The following DIP2C variants were observed in gnomAD, a reference collection of about 807,000 sequenced individuals.
DIP2C encodes the protein disco-interacting protein 2 homolog C.
In DIP2C, 33 loss-of-function variants were observed where a neutral mutation model predicts 192.4. The ratio of observed to expected loss-of-function variants is 0.17; its 90% CI spans 0.13 to 0.23. DIP2C has a LOEUF of 0.23. Ranked by LOEUF, DIP2C falls within the 10% of genes least tolerant of loss-of-function variation. The pLI is 1.00. For synonymous variants in DIP2C, 979 were observed against 864.1 expected (o/e 1.13, Z -2.33); for missense variants, 1,537 against 2,110.1 (o/e 0.73, Z 5.32).
At chr10:611,261 G>A (rs1019602895) in intron 1 of DIP2C, among the ~76,000 whole-genome samples, 2 of 152,160 alleles carry the variant, frequency 1.3e-5, no homozygotes, top group South Asian at 2.1e-4. Context: ...CACCCTGATT[G>A]TAAGTTTCCC....
At chr10:376,308 G>A (rs968843235) in intron 17 of DIP2C, among the ~76,000 whole-genome samples, 13 of 151,806 alleles carry the variant, frequency 8.6e-5, no homozygotes, top group Non-Finnish European at 1.6e-4. Flanking sequence ...CGACGGAGCC[G>A]GCAGGGAGAA....
At chr10:356,973 AATGGCAATACCCTG>A (rs1959111416) in intron 23 of DIP2C, among the ~76,000 whole-genome samples, 1 of 152,228 alleles carries the variant, frequency 6.6e-6, no homozygotes, top group African/African-American at 2.4e-5. Flanking sequence ...AGGTTTCTAG[AATGGCAATACCCTG>A]ATGGCATGAA....
intron 1 of DIP2C, among the ~76,000 whole-genome samples, chr10:594,663 C>T (rs1564244646): frequency 6.6e-6 from 1 of 152,166 alleles, no homozygotes; most frequent in Non-Finnish European, 1.5e-5. Flanking sequence ...TCCCTGGCTG[C>T]TTCCTGACAG....
chr10:614,771 G>GT (rs1167778563), intron 1 of DIP2C, among the ~76,000 whole-genome samples: 4 of 152,248 alleles, frequency 2.6e-5, no homozygotes, highest in African/African-American at 7.2e-5. Context: ...CCCTTGCCGG[G>GT]TATCGCGGCT....
chr10:384,280 T>C, intron 15 of DIP2C, 134 bp from the exon 16 acceptor site: 1 of 1,205,312 alleles, frequency 8.3e-7, no homozygotes, highest in African/African-American at 1.7e-5. Flanking sequence ...CCTTTTTTTT[T>C]TTTTTTTTTT....
chr10:678,088 G>A (rs183620813), intron 1 of DIP2C, among the ~76,000 whole-genome samples: 4 of 152,244 alleles, frequency 2.6e-5, no homozygotes, highest in Non-Finnish European at 5.9e-5. Context: ...CTCAGAGGTC[G>A]TGGCAGGGTG....
chr10:380,228 CGAA>C (rs1273585850), intron 17 of DIP2C, among the ~76,000 whole-genome samples: 10 of 146,750 alleles, frequency 6.8e-5, no homozygotes, highest in Non-Finnish European at 1.0e-4. Context: ...ATGGTTAAGA[CGAA>C]GAAGAGGCTG....
intron 1 of DIP2C, among the ~76,000 whole-genome samples, chr10:605,333 ATACAGATTCCAGATTCAC>A (rs1261498389): frequency 2.0e-5 from 3 of 152,354 alleles, no homozygotes; most frequent in African/African-American, 7.2e-5. Context: ...TCTCAATTTC[ATACAGATTCCAGATTCAC>A]TACAGGTTCC....
At chr10:508,873 G>C (rs542054546) in intron 1 of DIP2C, among the ~76,000 whole-genome samples, 1 of 152,300 alleles carries the variant, frequency 6.6e-6, no homozygotes, top group African/African-American at 2.4e-5. Flanking sequence ...CGAAAACACG[G>C]CTGTTCCAAC....
At chr10:512,235 C>T (rs925667128) in intron 1 of DIP2C, among the ~76,000 whole-genome samples, 2 of 152,020 alleles carry the variant, frequency 1.3e-5, no homozygotes, top group Admixed American at 6.6e-5. Flanking sequence ...AAGGTTGAAG[C>T]GTTTTTTAAA....
At chr10:429,068 G>A (rs549317817) in intron 4 of DIP2C, among the ~76,000 whole-genome samples, 5 of 151,980 alleles carry the variant, frequency 3.3e-5, no homozygotes, top group South Asian at 2.1e-4. Context: ...AAACTCCATC[G>A]TTCACATCAG....
intron 1 of DIP2C, among the ~76,000 whole-genome samples, chr10:658,094 T>C (rs1339724996): frequency 6.6e-6 from 1 of 152,026 alleles, no homozygotes; most frequent in Non-Finnish European, 1.5e-5. Context: ...GACCTGATGC[T>C]GGACCTGTCC....
At chr10:608,139 A>T (rs1229740193) in intron 1 of DIP2C, among the ~76,000 whole-genome samples, 21 of 90,460 alleles carry the variant, frequency 2.3e-4, no homozygotes. Context: ...CAACACACAC[A>T]CAGCCCCCCC....
At chr10:349,641 A>G (rs1009953631) in intron 24 of DIP2C, among the ~76,000 whole-genome samples, 187 bp from the exon 25 acceptor site, 2 of 152,232 alleles carry the variant, frequency 1.3e-5, no homozygotes, top group African/African-American at 2.4e-5. Context: ...AAAACTACAT[A>G]TACGTTAGAG....
chr10:453,159 A>T (rs2133340829), intron 3 of DIP2C, among the ~76,000 whole-genome samples: 1 of 152,360 alleles, frequency 6.6e-6, no homozygotes, highest in Non-Finnish European at 1.5e-5. Flanking sequence ...TGAGCTGATA[A>T]ATGAAATCTA....
At chr10:547,985 CAT>C (rs1848376368) in intron 1 of DIP2C, among the ~76,000 whole-genome samples, 1 of 152,156 alleles carries the variant, frequency 6.6e-6, no homozygotes, top group African/African-American at 2.4e-5. Flanking sequence ...CAAACCCACT[CAT>C]TGTGTGAAGC....
chr10:486,206 G>A (rs1048691032), intron 2 of DIP2C, among the ~76,000 whole-genome samples: 8 of 152,228 alleles, frequency 5.3e-5, no homozygotes, highest in African/African-American at 1.7e-4. Flanking sequence ...GCATTTTAAA[G>A]TAACCAACCC....
At chr10:333,490 T>A (rs1957592002) in intron 29 of DIP2C, among the ~76,000 whole-genome samples, 1 of 152,046 alleles carries the variant, frequency 6.6e-6, no homozygotes. Context: ...TCTGAGCTCA[T>A]CCTGTGCAGA....
intron 1 of DIP2C, among the ~76,000 whole-genome samples, chr10:511,809 A>G (rs816582): frequency 0.24 from 37,282 of 152,224 alleles, 6,615 homozygotes; most frequent in African/African-American, 0.5. Context: ...TGCAATACAT[A>G]TTTAAGGACT....
Sources: allele counts gnomAD v4.1 joint callset (sites outside exome capture counted in the v4.1 genomes callset), GRCh38; gene constraint gnomAD v4.1.1; transcripts MANE v1.5; gene names NCBI Gene and HGNC (gene_info 2026-07-23, HGNC 2026-07-21).